SPAG17: variants seen among roughly 807,000 people sequenced by gnomAD.
SPAG17 encodes the protein sperm associated antigen 17.
SPAG17 carries 169 observed loss-of-function variants against 273.6 expected under a neutral mutation model. The observed-to-expected ratio is 0.62, with a 90% CI of 0.55 to 0.70. SPAG17 has a LOEUF of 0.70. Ranked by LOEUF, SPAG17 falls within the 30% of genes least tolerant of loss-of-function variation. The pLI, the probability that SPAG17 is intolerant of heterozygous loss-of-function variation, is 0.00. For missense variants in SPAG17, 2,557 were observed against 2,627.8 expected, an observed-to-expected ratio of 0.97 and a Z score of 0.59; for synonymous variants, 825 against 873.2, an observed-to-expected ratio of 0.94 and a Z score of 0.97.
At chr1:118,075,075 G>A (rs1318436709) in intron 15 of SPAG17, among the ~76,000 whole-genome samples, 1 of 152,170 alleles carries the variant, frequency 6.6e-6, no homozygotes, top group African/African-American at 2.4e-5. Flanking sequence ...GCAGATAAGT[G>A]CACTTCCTAT....
chr1:117,975,440 GTC>G (rs1655028080), intron 43 of SPAG17, among the ~76,000 whole-genome samples: 1 of 152,186 alleles, frequency 6.6e-6, no homozygotes, highest in South Asian at 2.1e-4. Context: ...TAGTAGTAGT[GTC>G]TCTGTTTTTT....
At chr1:118,054,203 A>C in intron 19 of SPAG17, 110 bp from the exon 20 acceptor site, 1 of 654,472 alleles carries the variant, frequency 1.5e-6, no homozygotes, top group Non-Finnish European at 2.6e-6. Flanking sequence ...TCAACTTCTC[A>C]TTTATTTATC....
intron 34 of SPAG17, among the ~76,000 whole-genome samples, chr1:117,995,659 C>T (rs1657566299): frequency 6.6e-6 from 1 of 151,176 alleles, no homozygotes; most frequent in African/African-American, 2.4e-5. Context: ...TAAATGCACA[C>T]AAAATGTATC....
At chr1:117,991,848 AT>A (rs1227942108) in intron 36 of SPAG17, among the ~76,000 whole-genome samples, 2 of 152,130 alleles carry the variant, frequency 1.3e-5, no homozygotes, top group African/African-American at 4.8e-5. Context: ...GATGTGTAGG[AT>A]CCTTTCAGGT....
chr1:118,019,493 C>A (rs1426913497), intron 28 of SPAG17, among the ~76,000 whole-genome samples: 2 of 151,768 alleles, frequency 1.3e-5, no homozygotes, highest in Non-Finnish European at 2.9e-5. Flanking sequence ...AGTTCAAGGC[C>A]TCTTAAATAT....
At chr1:117,963,068 C>A (rs539298176) in intron 48 of SPAG17, 7 of 152,284 alleles carry the variant, frequency 4.6e-5, no homozygotes, top group African/African-American at 1.7e-4. Flanking sequence ...CTCTTTATTT[C>A]TGAGGTTTTT....
At chr1:117,986,664 T>G (rs1656450055) in intron 40 of SPAG17, among the ~76,000 whole-genome samples, 1 of 152,196 alleles carries the variant, frequency 6.6e-6, no homozygotes, top group Non-Finnish European at 1.5e-5. Flanking sequence ...ATACCCCATC[T>G]CTCAATCTCC....
intron 3 of SPAG17, among the ~76,000 whole-genome samples, chr1:118,124,839 T>C (rs1286552581): frequency 6.6e-6 from 1 of 152,166 alleles, no homozygotes; most frequent in Non-Finnish European, 1.5e-5. Context: ...GAATCCTGTT[T>C]CTAGTCAACA....
rs781134261 is a variant in SPAG17 at position 118,185,059 on chromosome 1, C to T, written c.87+12G>A. On this transcript the variant is annotated intron_variant, in intron 1 of 48. Coordinates refer to ENST00000336338, the MANE Select transcript of SPAG17 (RefSeq NM_206996.4). ...CCGGGGGCAGGGAGGGCTTAAAGGG[C>T]TCAAGGCTCACCTGATTGAACTGTG... 4 of 1,613,574 alleles carry T rather than the reference C, an allele frequency of 2.5e-6. No individual in the cohort carries two copies. Among genetic ancestry groups the T allele is most frequent in the South Asian group, 1.1e-5 (1 of 91,068 alleles).
At chr1:118,171,033 T>A (rs763605352) in intron 1 of SPAG17, among the ~76,000 whole-genome samples, 5 of 152,150 alleles carry the variant, frequency 3.3e-5, no homozygotes, top group African/African-American at 7.2e-5. Context: ...AATTCCAAGA[T>A]GAGTAGAAGT....
chr1:118,037,580 T>C (rs1649228572), intron 23 of SPAG17, among the ~76,000 whole-genome samples: 1 of 152,184 alleles, frequency 6.6e-6, no homozygotes, highest in South Asian at 2.1e-4. Context: ...TTAAATCCAC[T>C]TATTAGTGAG....
chr1:118,052,038 GTA>G (rs1651099774), intron 20 of SPAG17, among the ~76,000 whole-genome samples: 1 of 137,006 alleles, frequency 7.3e-6, no homozygotes, highest in Non-Finnish European at 1.5e-5. Context: ...TTATATAATA[GTA>G]TATATAGTTA....
intron 3 of SPAG17, among the ~76,000 whole-genome samples, chr1:118,147,867 T>C (rs1220041136): frequency 6.6e-6 from 1 of 152,218 alleles, no homozygotes; most frequent in African/African-American, 2.4e-5. Context: ...GGATGAAGTA[T>C]ACTATACAGA....
intron 15 of SPAG17, among the ~76,000 whole-genome samples, chr1:118,080,364 G>T (rs1367743905): frequency 2.6e-5 from 4 of 152,178 alleles, no homozygotes; most frequent in African/African-American, 4.8e-5. Flanking sequence ...CACAGAGATT[G>T]AAAAGAGCAG....
At chr1:118,074,627 G>C in intron 15 of SPAG17, 27 bp from the exon 16 acceptor site, 2 of 1,604,648 alleles carry the variant, frequency 1.2e-6, no homozygotes, top group Non-Finnish European at 1.7e-6. Context: ...CCAACATCCA[G>C]TTGTGTTCTG....
At chr1:118,148,892 A>T (rs1393426734) in intron 3 of SPAG17, among the ~76,000 whole-genome samples, 1 of 152,204 alleles carries the variant, frequency 6.6e-6, no homozygotes, top group South Asian at 2.1e-4. Flanking sequence ...AGAGTGCTTG[A>T]GCAGGTCCTA....
chr1:118,038,212 G>T (rs1175940862), intron 23 of SPAG17, among the ~76,000 whole-genome samples: 1 of 152,102 alleles, frequency 6.6e-6, no homozygotes, highest in African/African-American at 2.4e-5. Context: ...TCCAGAAAAT[G>T]CAGATTAAAA....
chr1:118,031,911 A>G, intron 24 of SPAG17, 44 bp from the exon 25 acceptor site: 7 of 1,440,012 alleles, frequency 4.9e-6, no homozygotes, highest in Non-Finnish European at 6.6e-6. Flanking sequence ...CAACATTCAT[A>G]TTTGATATCC....
intron 20 of SPAG17, among the ~76,000 whole-genome samples, chr1:118,050,149 C>T (rs1468238919): frequency 6.6e-6 from 1 of 152,102 alleles, no homozygotes; most frequent in African/African-American, 2.4e-5. Flanking sequence ...GCTAGCAGGC[C>T]ACCGCACATG....
Sources: allele counts gnomAD v4.1 joint callset (sites outside exome capture counted in the v4.1 genomes callset), GRCh38; gene constraint gnomAD v4.1.1; transcripts MANE v1.5; gene names NCBI Gene and HGNC (gene_info 2026-07-23, HGNC 2026-07-21).